The following RGS6 variants were observed in gnomAD, a reference collection of about 807,000 sequenced individuals.
RGS6 encodes the protein regulator of G protein signaling 6, also known as regulator of G-protein signaling 6.
RGS6 carries 30 observed loss-of-function variants against 78.5 expected under a neutral mutation model. The ratio of observed to expected loss-of-function variants is 0.38; its 90% CI spans 0.29 to 0.52. The LOEUF is 0.52. Among genes scored for constraint, RGS6 ranks in the 20% least tolerant of loss-of-function variants. The pLI, the probability that RGS6 is intolerant of heterozygous loss-of-function variation, is 0.85. For missense variants in RGS6, 495 were observed against 609.7 expected, an observed-to-expected ratio of 0.81 and a Z score of 1.98; for synonymous variants, 206 against 206.0, an observed-to-expected ratio of 1.00 and a Z score of 0.00.
chr14:72,228,497 A>G (rs894498606), intron 2 of RGS6, among the ~76,000 whole-genome samples: 1 of 152,238 alleles, frequency 6.6e-6, no homozygotes, highest in Non-Finnish European at 1.5e-5. Flanking sequence ...AAGGAATGCC[A>G]TTAGATTTGT....
At chr14:72,335,864 G>C (rs1209514871) in intron 2 of RGS6, among the ~76,000 whole-genome samples, 1 of 152,158 alleles carries the variant, frequency 6.6e-6, no homozygotes, top group Non-Finnish European at 1.5e-5. Context: ...TCTCCTGCCA[G>C]CCTCTACCCT....
intron 2 of RGS6, among the ~76,000 whole-genome samples, chr14:72,089,426 A>T (rs1360835006): frequency 6.6e-6 from 1 of 152,232 alleles, no homozygotes; most frequent in Non-Finnish European, 1.5e-5. Context: ...GGCCAACATC[A>T]GGTAATCTGA....
the RGS6 span, among the ~76,000 whole-genome samples, chr14:71,868,433 A>G: frequency 1.3e-5 from 2 of 152,126 alleles, no homozygotes; most frequent in Admixed American, 6.6e-5. Context: ...GAAAAGCAGA[A>G]CCATATCATA....
At chr14:72,383,595 A>G (rs1412927683) in intron 3 of RGS6, among the ~76,000 whole-genome samples, 1 of 152,144 alleles carries the variant, frequency 6.6e-6, no homozygotes, top group Admixed American at 6.6e-5. Context: ...TTCTGCATGG[A>G]GCTGATACCC....
chr14:71,946,497 A>G lies in RGS6; in HGVS notation c.-21+13556A>G, dbSNP rs564767716. Among the ~76,000 whole-genome samples the G allele has an allele frequency of 4.6e-5, 7 of 152,312 alleles. No homozygotes were observed. In the East Asian group the frequency reaches 1.4e-3, roughly 29 times the overall value. ...ACCAAGGACTCATTTCCAGATAATG[A>G]TTAATTGGATATGGCTCCTGTGTTC... On this transcript the variant is annotated intron_variant, in intron 1 of 17. Coordinates refer to ENST00000553525, the MANE Select transcript of RGS6 (RefSeq NM_001204424.2).
At chr14:72,376,017 A>C (rs2152858619) in intron 3 of RGS6, among the ~76,000 whole-genome samples, 1 of 152,326 alleles carries the variant, frequency 6.6e-6, no homozygotes, top group Non-Finnish European at 1.5e-5. Context: ...AATAAACCCC[A>C]ATCATAAGGA....
the RGS6 span, among the ~76,000 whole-genome samples, chr14:71,908,706 C>T: frequency 3.9e-5 from 6 of 152,098 alleles, no homozygotes; most frequent in East Asian, 1.9e-4. Flanking sequence ...TTGACTTATA[C>T]GCAAGGATTA....
rs549633533 is a variant in RGS6 at position 72,251,619 on chromosome 14, A to G, written c.85-100476A>G. On this transcript the variant is annotated intron_variant, in intron 2 of 17. Transcript: ENST00000553525. Reference sequence around the variant, plus strand: ...AGCAAATTAACACAGGAACAGAACAACAGATGCCACATCTTCTTATGAGTG... The same window carrying G: ...AGCAAATTAACACAGGAACAGAACAGCAGATGCCACATCTTCTTATGAGTG... 2.1e-4 allele frequency among the ~76,000 whole-genome samples: 32 copies of G among 152,334 alleles called. 1 individual carries two copies. The highest frequency in any genetic ancestry group is 7.7e-4 in the African/African-American group (32 of 41,576).
intron 2 of RGS6, among the ~76,000 whole-genome samples, chr14:72,018,523 C>T (rs939120472): frequency 6.6e-6 from 1 of 152,130 alleles, no homozygotes; most frequent in Admixed American, 6.5e-5. Context: ...ATATAGGAAG[C>T]CTAAATTTGT....
chr14:72,595,820 C>T, the RGS6 span, among the ~76,000 whole-genome samples: 1 of 152,352 alleles, frequency 6.6e-6, no homozygotes, highest in South Asian at 2.1e-4. Flanking sequence ...ACACCACCAT[C>T]ATACGGTTGC....
chr14:72,549,246 G>GT (rs71109739), intron 17 of RGS6, among the ~76,000 whole-genome samples: 25,376 of 146,308 alleles, frequency 0.17, 2,116 homozygotes, highest in South Asian at 0.28. Flanking sequence ...TCTGTTTTTT[G>GT]TTTTTTTTTT....
chr14:72,218,850 T>A (rs537964764), intron 2 of RGS6, among the ~76,000 whole-genome samples: 1 of 152,140 alleles, frequency 6.6e-6, no homozygotes, highest in South Asian at 2.1e-4. Context: ...GACCTCATGA[T>A]CCACCCACCT....
At chr14:72,303,364 G>T (rs946186503) in intron 2 of RGS6, among the ~76,000 whole-genome samples, 10 of 152,186 alleles carry the variant, frequency 6.6e-5, no homozygotes, top group African/African-American at 2.4e-4. Flanking sequence ...AGCCAGGAGT[G>T]ATGGCATGTG....
intron 2 of RGS6, among the ~76,000 whole-genome samples, chr14:72,030,921 G>A (rs1447129469): frequency 6.6e-6 from 1 of 151,864 alleles, no homozygotes. Context: ...TATGGATTCT[G>A]GGGCTTGATA....
At chr14:71,874,250 G>A in the RGS6 span, among the ~76,000 whole-genome samples, 519 of 151,900 alleles carry the variant, frequency 3.4e-3, 5 homozygotes, top group African/African-American at 0.012. Flanking sequence ...CCATTTTCAC[G>A]ATATTGATTC....
chr14:71,982,191 C>T (rs2094501065), intron 2 of RGS6, among the ~76,000 whole-genome samples: 1 of 152,178 alleles, frequency 6.6e-6, no homozygotes, highest in South Asian at 2.1e-4. Flanking sequence ...GTGTCTGGCA[C>T]TCCCTAGTGA....
chr14:72,458,839 C>T (rs7155884), intron 5 of RGS6, among the ~76,000 whole-genome samples: 105,506 of 151,884 alleles, frequency 0.69, 37,029 homozygotes, highest in East Asian at 0.97. Flanking sequence ...ACTAATCTCA[C>T]CTGTGAGGGC....
intron 2 of RGS6, among the ~76,000 whole-genome samples, chr14:72,155,741 T>G: frequency 6.6e-6 from 1 of 152,240 alleles, no homozygotes; most frequent in East Asian, 1.9e-4. Flanking sequence ...GCCAAACAAT[T>G]GGCAATTTCC....
intron 3 of RGS6, among the ~76,000 whole-genome samples, chr14:72,386,407 G>C (rs1023204863): frequency 1.3e-5 from 2 of 152,076 alleles, no homozygotes; most frequent in Admixed American, 1.3e-4. Flanking sequence ...GCATGGTTTT[G>C]CATGCTTGTA....
Sources: allele counts gnomAD v4.1 joint callset (sites outside exome capture counted in the v4.1 genomes callset), GRCh38; gene constraint gnomAD v4.1.1; transcripts MANE v1.5; gene names NCBI Gene and HGNC (gene_info 2026-07-23, HGNC 2026-07-21).